RANBP2: variants seen among roughly 807,000 people sequenced by gnomAD.
RANBP2 encodes RAN binding protein 2, also known as E3 SUMO-protein ligase RanBP2.
Under a neutral mutation model 303.6 loss-of-function variants are expected in RANBP2, and 57 were observed. That is an observed-to-expected ratio of 0.19 (90% CI 0.15 to 0.23). The LOEUF (loss-of-function observed/expected upper bound fraction) is 0.23, where lower values mean the gene tolerates loss of function less well. Ranked by LOEUF, RANBP2 falls within the 10% of genes least tolerant of loss-of-function variation. The pLI, the probability that RANBP2 is intolerant of heterozygous loss-of-function variation, is 1.00. For synonymous variants in RANBP2, 1,167 were observed against 1,301.5 expected (o/e 0.90, Z 2.23); for missense variants, 3,138 against 3,780.8 (o/e 0.83, Z 4.46).
At chr2:109,362,564 A>G in the RANBP2 span, among the ~76,000 whole-genome samples, 2 of 152,106 alleles carry the variant, frequency 1.3e-5, no homozygotes, top group Admixed American at 6.5e-5. Context: ...TATTATGTGG[A>G]TGTCAGTTGT....
the RANBP2 span, among the ~76,000 whole-genome samples, chr2:109,055,617 C>T: frequency 7.6e-4 from 116 of 152,092 alleles, no homozygotes; most frequent in Non-Finnish European, 1.5e-3. Flanking sequence ...AACTGCTGAC[C>T]TAGCGATCCA....
the RANBP2 span, among the ~76,000 whole-genome samples, chr2:109,420,677 T>C: frequency 9.2e-5 from 14 of 152,212 alleles, no homozygotes; most frequent in Middle Eastern, 3.4e-3. Context: ...GATCTCCTGA[T>C]CTCGTGATCC....
the RANBP2 span, among the ~76,000 whole-genome samples, chr2:109,272,084 C>T: frequency 1.8e-3 from 268 of 152,280 alleles, 2 homozygotes; most frequent in African/African-American, 5.9e-3. Flanking sequence ...GCCTCCTGCC[C>T]CCACCACTCA....
At chr2:109,219,313 A>C in the RANBP2 span, among the ~76,000 whole-genome samples, 4 of 152,142 alleles carry the variant, frequency 2.6e-5, no homozygotes, top group Non-Finnish European at 5.9e-5. Flanking sequence ...GTAATTACAT[A>C]AGGTTTCTAC....
chr2:108,935,661 C>T, the RANBP2 span, among the ~76,000 whole-genome samples: 309 of 152,276 alleles, frequency 2.0e-3, 1 homozygote, highest in African/African-American at 6.8e-3. Context: ...CACACACACA[C>T]GCAGACTCTG....
the RANBP2 span, among the ~76,000 whole-genome samples, chr2:109,241,299 C>T: frequency 6.6e-6 from 1 of 151,848 alleles, no homozygotes; most frequent in African/African-American, 2.4e-5. Flanking sequence ...GTAGTAATGG[C>T]CATTATAAAA....
At chr2:109,374,739 G>T in the RANBP2 span, among the ~76,000 whole-genome samples, 1 of 152,148 alleles carries the variant, frequency 6.6e-6, no homozygotes, top group Non-Finnish European at 1.5e-5. Flanking sequence ...CTCCACAGCC[G>T]CTCCAGCCGG....
At chr2:109,637,359 T>C in the RANBP2 span, among the ~76,000 whole-genome samples, 29,082 of 150,136 alleles carry the variant, frequency 0.19, 1,741 homozygotes, top group Admixed American at 0.3. Flanking sequence ...GGCCTTCCTC[T>C]ATCTCAACTG....
chr2:109,364,154 T>G, the RANBP2 span, among the ~76,000 whole-genome samples: 1 of 151,708 alleles, frequency 6.6e-6, no homozygotes, highest in African/African-American at 2.4e-5. Flanking sequence ...GGATGCTCCA[T>G]TATGGTTTTT....
the RANBP2 span, among the ~76,000 whole-genome samples, chr2:108,880,753 A>G: frequency 1.3e-5 from 2 of 152,176 alleles, no homozygotes; most frequent in African/African-American, 4.8e-5. Flanking sequence ...GCTCAGATAA[A>G]AAAAAGACTC....
chr2:109,529,579 A>G, the RANBP2 span, among the ~76,000 whole-genome samples: 1 of 152,342 alleles, frequency 6.6e-6, no homozygotes, highest in Non-Finnish European at 1.5e-5. Flanking sequence ...ACAGCTGCAG[A>G]AAACAGTAGT....
chr2:108,786,197 C>T (rs1304279405), downstream of RANBP2, among the ~76,000 whole-genome samples: 1 of 150,990 alleles, frequency 6.6e-6, no homozygotes, highest in Non-Finnish European at 1.5e-5. Flanking sequence ...CTGTTATACC[C>T]CATATGGAAC....
the RANBP2 span, among the ~76,000 whole-genome samples, chr2:109,670,894 G>A: frequency 6.6e-6 from 1 of 152,218 alleles, no homozygotes; most frequent in African/African-American, 2.4e-5. Context: ...TCCCCAAGGA[G>A]TGCAGCCTCA....
At chr2:108,998,007 G>T in the RANBP2 span, among the ~76,000 whole-genome samples, 1 of 152,190 alleles carries the variant, frequency 6.6e-6, no homozygotes, top group Non-Finnish European at 1.5e-5. Context: ...CTGAATGATG[G>T]TGATTGTCTT....
the RANBP2 span, among the ~76,000 whole-genome samples, chr2:109,238,334 A>G: frequency 6.6e-6 from 1 of 152,342 alleles, no homozygotes; most frequent in Non-Finnish European, 1.5e-5. Flanking sequence ...TTATAAATCT[A>G]TGCACAGAGA....
the RANBP2 span, among the ~76,000 whole-genome samples, chr2:109,134,028 T>C: frequency 1.3e-5 from 2 of 152,216 alleles, no homozygotes; most frequent in African/African-American, 2.4e-5. Flanking sequence ...CTAGTTACCA[T>C]GTTCTTTGGG....
chr2:109,487,770 A>G, the RANBP2 span, among the ~76,000 whole-genome samples: 1 of 151,988 alleles, frequency 6.6e-6, no homozygotes, highest in Non-Finnish European at 1.5e-5. Flanking sequence ...CTCTCTACTC[A>G]GGGGCCAGAA....
chr2:109,607,875 G>C, the RANBP2 span, among the ~76,000 whole-genome samples: 1 of 152,190 alleles, frequency 6.6e-6, no homozygotes, highest in African/African-American at 2.4e-5. Flanking sequence ...TTGTCTGGAG[G>C]TATCTATACT....
the RANBP2 span, chr2:109,545,850 ATG>A: frequency 1.4e-6 from 2 of 1,440,702 alleles, no homozygotes; most frequent in Non-Finnish European, 1.8e-6. Context: ...AACACATAAC[ATG>A]TGCCAGGTGC....
Sources: allele counts gnomAD v4.1 joint callset (sites outside exome capture counted in the v4.1 genomes callset), GRCh38; gene constraint gnomAD v4.1.1; transcripts MANE v1.5; gene names NCBI Gene and HGNC (gene_info 2026-07-23, HGNC 2026-07-21).